BICC1: variants seen among roughly 807,000 people sequenced by gnomAD.
BICC1 encodes the protein BicC family RNA binding protein 1, also known as protein bicaudal C homolog 1.
In BICC1, 43 loss-of-function variants were observed where a neutral mutation model predicts 111.0. The observed-to-expected ratio is 0.39, with a 90% confidence interval of 0.30 to 0.50. BICC1 has a LOEUF of 0.50. Among genes scored for constraint, BICC1 ranks in the 20% least tolerant of loss-of-function variants. The pLI, the probability that BICC1 is intolerant of heterozygous loss-of-function variation, is 0.88. For synonymous variants in BICC1, 467 were observed against 434.4 expected (o/e 1.07, Z -0.93); for missense variants, 1,091 against 1,203.2 (o/e 0.91, Z 1.38).
At chr10:58,555,509 G>C (rs948677468) in intron 1 of BICC1, among the ~76,000 whole-genome samples, 3 of 151,990 alleles carry the variant, frequency 2.0e-5, no homozygotes, top group Non-Finnish European at 2.9e-5. Context: ...GGGAAGCTAA[G>C]GTCTAGGTGA....
Position 58,597,795 on chromosome 10 carries a change from C to G in BICC1, c.191-23060C>G, listed in dbSNP as rs539996046. 2.0e-5 allele frequency among the ~76,000 whole-genome samples: 3 copies of G among 152,084 alleles called. No individual in the cohort carries two copies. In the East Asian group the frequency reaches 5.8e-4, roughly 29 times the overall value. The stretch of plus-strand genomic sequence containing the variant: ...TGCACATCCGTTTATAGGCTCTCTG[C>G]AAGAAGAAAAATATGGCTCTTTTTG... On this transcript the variant is annotated intron_variant, in intron 1 of 20. Coordinates refer to ENST00000373886, the MANE Select transcript of BICC1 (RefSeq NM_001080512.3).
At chr10:58,798,765 T>C (rs2132858613) in intron 11 of BICC1, among the ~76,000 whole-genome samples, 1 of 152,314 alleles carries the variant, frequency 6.6e-6, no homozygotes, top group East Asian at 1.9e-4. Context: ...TGAAATACCA[T>C]CTTCAAATGT....
intron 1 of BICC1, among the ~76,000 whole-genome samples, chr10:58,563,656 C>T (rs968961411): frequency 6.6e-6 from 1 of 152,180 alleles, no homozygotes; most frequent in South Asian, 2.1e-4. Context: ...TGGACACCTC[C>T]ACTCAGCCAT....
chr10:58,701,375 T>C (rs1285139394), intron 2 of BICC1, among the ~76,000 whole-genome samples: 1 of 152,196 alleles, frequency 6.6e-6, no homozygotes, highest in Non-Finnish European at 1.5e-5. Context: ...TCTTTTCTTA[T>C]TTACCGTCCA....
chr10:58,586,536 C>CG (rs563475444), intron 1 of BICC1, among the ~76,000 whole-genome samples: 23 of 108,676 alleles, frequency 2.1e-4, no homozygotes, highest in Admixed American at 7.4e-4. Flanking sequence ...GGGTTGGGGG[C>CG]GGGGGGGCGC....
At chr10:58,755,249 T>G (rs574254630) in intron 3 of BICC1, among the ~76,000 whole-genome samples, 17 of 152,264 alleles carry the variant, frequency 1.1e-4, no homozygotes, top group African/African-American at 3.6e-4. Context: ...GAATTTTAAC[T>G]GCCAGGGCCC....
At chr10:58,647,881 C>T (rs1838317622) in intron 2 of BICC1, among the ~76,000 whole-genome samples, 1 of 152,064 alleles carries the variant, frequency 6.6e-6, no homozygotes, top group Non-Finnish European at 1.5e-5. Flanking sequence ...TAGCTGTGAC[C>T]AGAATTACAG....
intron 3 of BICC1, among the ~76,000 whole-genome samples, chr10:58,744,946 T>C (rs541978770): frequency 2.0e-5 from 3 of 152,278 alleles, no homozygotes; most frequent in African/African-American, 4.8e-5. Flanking sequence ...TTGACCCATG[T>C]TGAGAGTTCT....
intron 3 of BICC1, among the ~76,000 whole-genome samples, chr10:58,763,757 A>G (rs573472380): frequency 2.2e-4 from 34 of 152,168 alleles, no homozygotes; most frequent in Admixed American, 2.2e-3. Flanking sequence ...ATTAAAGAGC[A>G]TGAAGAAAGT....
chr10:58,764,752 A>T (rs1234106263), intron 3 of BICC1, among the ~76,000 whole-genome samples: 4 of 151,512 alleles, frequency 2.6e-5, no homozygotes, highest in Non-Finnish European at 5.9e-5. Flanking sequence ...CCTAACAGTG[A>T]TAAAAACATA....
chr10:58,616,929 T>G (rs1467988572), intron 1 of BICC1, among the ~76,000 whole-genome samples: 7 of 152,166 alleles, frequency 4.6e-5, no homozygotes, highest in Non-Finnish European at 7.4e-5. Context: ...TTGCCTAGAT[T>G]TAAGATGGTG....
At chr10:58,699,358 TC>T (rs1446398129) in intron 2 of BICC1, among the ~76,000 whole-genome samples, 1 of 152,182 alleles carries the variant, frequency 6.6e-6, no homozygotes, top group Non-Finnish European at 1.5e-5. Flanking sequence ...AAAGCTGTCT[TC>T]CCAACTTGAT....
At chr10:58,682,324 A>G (rs926356192) in intron 2 of BICC1, among the ~76,000 whole-genome samples, 4 of 152,162 alleles carry the variant, frequency 2.6e-5, no homozygotes, top group Admixed American at 2.0e-4. Flanking sequence ...GCCACAATAG[A>G]CATACATGTG....
At chr10:58,732,353 ATG>A (rs371077730) in intron 3 of BICC1, among the ~76,000 whole-genome samples, 881 of 82,102 alleles carry the variant, frequency 0.011, 64 homozygotes, top group African/African-American at 0.038. Flanking sequence ...AGAGGAGTGT[ATG>A]TGTGTGTGTG....
chr10:58,597,830 G>A lies in BICC1; in HGVS notation c.191-23025G>A, dbSNP rs1025594002. Among the ~76,000 whole-genome samples the A allele has an allele frequency of 4.0e-5, 6 of 151,690 alleles. No homozygotes were observed. The East Asian group carries it at 5.8e-4, about 15-fold the overall frequency. On this transcript the variant is annotated intron_variant, in intron 1 of 20. Coordinates refer to ENST00000373886, the MANE Select transcript of BICC1 (RefSeq NM_001080512.3). Reference sequence around the variant, plus strand: ...AATATGGCTCTTTTTGCCCAACCCCGCAGGCAGTCAGACCTTATGGTTGTC... The same window carrying A: ...AATATGGCTCTTTTTGCCCAACCCCACAGGCAGTCAGACCTTATGGTTGTC...
chr10:58,652,317 C>T (rs563225446), intron 2 of BICC1, among the ~76,000 whole-genome samples: 1 of 152,166 alleles, frequency 6.6e-6, no homozygotes, highest in South Asian at 2.1e-4. Context: ...AGGTCCTTAG[C>T]GGTAGCCAAA....
intron 1 of BICC1, among the ~76,000 whole-genome samples, chr10:58,530,606 C>T (rs961830124): frequency 6.6e-6 from 1 of 150,658 alleles, no homozygotes; most frequent in Non-Finnish European, 1.5e-5. Flanking sequence ...TTACTGTAGC[C>T]TCGCTGGAAT....
At chr10:58,653,232 C>T (rs533834034) in intron 2 of BICC1, among the ~76,000 whole-genome samples, 1 of 152,240 alleles carries the variant, frequency 6.6e-6, no homozygotes. Context: ...AATGCTTTTT[C>T]ACTGAGATGG....
chr10:58,566,438 A>T (rs748138410), intron 1 of BICC1, among the ~76,000 whole-genome samples: 1 of 152,060 alleles, frequency 6.6e-6, no homozygotes, highest in East Asian at 1.9e-4. Flanking sequence ...TATTTTTGCA[A>T]TTGTGAATTT....
Sources: allele counts gnomAD v4.1 joint callset (sites outside exome capture counted in the v4.1 genomes callset), GRCh38; gene constraint gnomAD v4.1.1; transcripts MANE v1.5; gene names NCBI Gene and HGNC (gene_info 2026-07-23, HGNC 2026-07-21).